The following MBP variants were observed in gnomAD, a reference collection of about 807,000 sequenced individuals.
MBP encodes the protein myelin basic protein.
In MBP, 16 loss-of-function variants were observed where a neutral mutation model predicts 35.8. That is an observed-to-expected ratio of 0.45 (90% CI 0.30 to 0.68). The LOEUF is 0.68. Among genes scored for constraint, MBP ranks in the 30% least tolerant of loss-of-function variants. MBP has a pLI of 0.08. For synonymous variants in MBP, 143 were observed against 159.6 expected (o/e 0.90, Z 0.78); for missense variants, 380 against 404.7 (o/e 0.94, Z 0.52).
chr18:76,984,347 A>AC (rs1969407575), intron 8 of MBP: 1 of 185,826 alleles, frequency 5.4e-6, no homozygotes, highest in Non-Finnish European at 1.1e-5. Flanking sequence ...CCGACGGGAC[A>AC]CTCCCCACTC....
At chr18:76,993,460 G>A (rs1970072469) in intron 4 of MBP, among the ~76,000 whole-genome samples, 1 of 149,150 alleles carries the variant, frequency 6.7e-6, no homozygotes, top group Admixed American at 6.9e-5. Flanking sequence ...TGAGGCAGGA[G>A]AATTGCTTGA....
At chr18:76,980,579 C>G in intron 8 of MBP, 108 bp from the exon 9 acceptor site, 1 of 811,906 alleles carries the variant, frequency 1.2e-6, no homozygotes, top group Non-Finnish European at 2.1e-6. Flanking sequence ...GGGTGTCTCT[C>G]TCATCTGCTA....
intron 2 of MBP, among the ~76,000 whole-genome samples, chr18:77,073,994 C>T (rs1974550923): frequency 6.6e-6 from 1 of 152,252 alleles, no homozygotes. Context: ...AACCACTCTT[C>T]TCACCACTAA....
At chr18:76,986,551 C>T (rs972959048) in intron 7 of MBP, 28 of 985,498 alleles carry the variant, frequency 2.8e-5, no homozygotes, top group Non-Finnish European at 3.0e-5. Context: ...CAGCTGCTTT[C>T]GTGTGAACAG....
intron 4 of MBP, among the ~76,000 whole-genome samples, chr18:76,998,831 C>T (rs1281130861): frequency 1.3e-5 from 2 of 152,118 alleles, no homozygotes; most frequent in African/African-American, 2.4e-5. Context: ...GCTCCTTCCT[C>T]GTTGACCCCA....
rs1165560295 is a variant in MBP, at chr18:77,020,495, T to C, written c.140-3227A>G. The stretch of plus-strand genomic sequence containing the variant: ...TTAGGATATGGTCCTGTCACTGCTA[T>C]GACTCATTGCAATGAGAGGTGCATG... On this transcript the variant is annotated intron_variant, in intron 3 of 8. Transcript: ENST00000355994. The surrounding 1 kb of genome is among the most constrained non-coding windows in gnomAD (Gnocchi z 4.1). 2.6e-5 allele frequency among the ~76,000 whole-genome samples: 4 copies of C among 152,172 alleles called. No individual in the cohort carries two copies. The highest frequency in any genetic ancestry group is 5.9e-5 in the Non-Finnish European group (4 of 68,014).
At chr18:76,985,640 C>A in intron 7 of MBP, 1 of 1,064,418 alleles carries the variant, frequency 9.4e-7, no homozygotes. Flanking sequence ...GCGGCCGCAT[C>A]CTGGCAGCAG....
At chr18:77,013,976 G>T in intron 4 of MBP, 1 of 985,432 alleles carries the variant, frequency 1.0e-6, no homozygotes, top group Non-Finnish European at 1.2e-6. Flanking sequence ...TTAGAGAGAA[G>T]CTGCCGGGCC....
intron 4 of MBP, among the ~76,000 whole-genome samples, chr18:77,000,211 A>G (rs1970556895): frequency 6.6e-6 from 1 of 152,224 alleles, no homozygotes; most frequent in African/African-American, 2.4e-5. Context: ...ATGAAATAAG[A>G]AAGTTTGTGG....
At chr18:77,059,230 A>C (rs1166712078) in intron 3 of MBP, among the ~76,000 whole-genome samples, 1 of 152,238 alleles carries the variant, frequency 6.6e-6, no homozygotes, top group East Asian at 1.9e-4. Flanking sequence ...TTACTGTTCA[A>C]TCATATGGAA....
chr18:77,009,653 G>C (rs566368877), intron 4 of MBP, among the ~76,000 whole-genome samples: 7 of 152,348 alleles, frequency 4.6e-5, no homozygotes, highest in Non-Finnish European at 1.0e-4. Flanking sequence ...GCCCCTCTTG[G>C]GCATTTGTCT....
intron 3 of MBP, among the ~76,000 whole-genome samples, chr18:77,030,418 C>T (rs759575956): frequency 2.6e-5 from 4 of 152,104 alleles, no homozygotes; most frequent in African/African-American, 4.8e-5. Flanking sequence ...CAGGAAGGGA[C>T]GGGAAGCTTT....
At chr18:77,048,419 A>G (rs1699381227) in intron 3 of MBP, among the ~76,000 whole-genome samples, 1 of 152,244 alleles carries the variant, frequency 6.6e-6, no homozygotes, top group Admixed American at 6.5e-5. Context: ...GAGGCCTTCT[A>G]TTGGCATCTG....
chr18:77,064,771 C>A (rs185799142), intron 3 of MBP, among the ~76,000 whole-genome samples: 1 of 152,316 alleles, frequency 6.6e-6, no homozygotes, highest in Non-Finnish European at 1.5e-5. Context: ...AGCCTGTTTG[C>A]CTTGAATGTT....
chr18:77,018,945 C>A (rs1016005049), intron 3 of MBP, among the ~76,000 whole-genome samples: 1 of 143,244 alleles, frequency 7.0e-6, no homozygotes, highest in Non-Finnish European at 1.5e-5. Flanking sequence ...CCTACCTGTT[C>A]ATCCATCCAT....
At chr18:77,002,106 T>A (rs1257093039) in intron 4 of MBP, among the ~76,000 whole-genome samples, 1 of 152,230 alleles carries the variant, frequency 6.6e-6, no homozygotes, top group Non-Finnish European at 1.5e-5. Context: ...TCCCACCTGA[T>A]GGGATGGAGC....
intron 2 of MBP, chr18:77,069,153 C>T (rs1437159764): frequency 2.3e-6 from 1 of 438,970 alleles, no homozygotes; most frequent in African/African-American, 2.0e-5. Flanking sequence ...CCTTCCCAAC[C>T]CTCAGGCCTA....
chr18:77,003,974 ATC>A (rs1430058750), intron 4 of MBP: 2 of 102,260 alleles, frequency 2.0e-5, no homozygotes, highest in African/African-American at 7.8e-5. Context: ...GGGTCATGGT[ATC>A]TGTTTCCCAT....
At chr18:76,981,191 C>T (rs1366104098) in intron 8 of MBP, 1 of 152,222 alleles carries the variant, frequency 6.6e-6, no homozygotes, top group Non-Finnish European at 1.5e-5. Context: ...ATGCGTTGGT[C>T]ACTCAGAATG....
Sources: allele counts gnomAD v4.1 joint callset (sites outside exome capture counted in the v4.1 genomes callset), GRCh38; gene constraint gnomAD v4.1.1; non-coding constraint Gnocchi (gnomAD v3.1); transcripts MANE v1.5; gene names NCBI Gene and HGNC (gene_info 2026-07-23, HGNC 2026-07-21).